Variants in ZNF536 observed in about 807,000 individuals in gnomAD.
ZNF536 encodes zinc finger protein 536.
In ZNF536, 13 loss-of-function variants were observed where a neutral mutation model predicts 84.5. That is an observed-to-expected ratio of 0.15 (90% CI 0.10 to 0.24). ZNF536 has a LOEUF of 0.24. Among genes scored for constraint, ZNF536 ranks in the 10% least tolerant of loss-of-function variants. The pLI is 1.00. For synonymous variants in ZNF536, 811 were observed against 742.5 expected (o/e 1.09, Z -1.50); for missense variants, 1,536 against 1,747.5 (o/e 0.88, Z 2.16).
At chr19:30,416,882 T>A (rs11666325) in intron 1 of ZNF536, among the ~76,000 whole-genome samples, 1 of 151,988 alleles carries the variant, frequency 6.6e-6, no homozygotes, top group African/African-American at 2.4e-5. Flanking sequence ...TGAGTTTTTG[T>A]GGATCAGCTC....
chr19:30,250,907 C>CT (rs960914726), intron 1 of ZNF536, among the ~76,000 whole-genome samples: 30 of 151,154 alleles, frequency 2.0e-4, no homozygotes, highest in Admixed American at 1.4e-3. Context: ...AATAGAATTC[C>CT]TTTTTTTAAA....
In ZNF536 at chr19:30,350,016, ATT is replaced by A. The variant is rs1186989444; in HGVS notation, c.-119-2349_-119-2348del. ...CGAAAGTTGTTTTTTTTTTCTATTC[ATT>A]TTAGTGCAAACCAATGGATACCTAT... On this transcript the variant is annotated intron_variant, in intron 2 of 5. Transcript: ENST00000585628. Among the ~76,000 whole-genome samples, 3 of 150,986 alleles carry A rather than the reference ATT, an allele frequency of 2.0e-5. No homozygotes were observed. The East Asian group carries it at 5.8e-4, about 29-fold the overall frequency.
At chr19:30,339,343 C>A (rs1414166907) in intron 2 of ZNF536, among the ~76,000 whole-genome samples, 1 of 152,164 alleles carries the variant, frequency 6.6e-6, no homozygotes, top group Non-Finnish European at 1.5e-5. Context: ...AAGCCCTGAG[C>A]ACAGTGGGAG....
chr19:30,242,473 G>T (rs60308029), intron 1 of ZNF536, among the ~76,000 whole-genome samples: 9,122 of 152,248 alleles, frequency 0.06, 900 homozygotes, highest in African/African-American at 0.21. Context: ...CATCATGAGT[G>T]TCACAACAGT....
intron 1 of ZNF536, among the ~76,000 whole-genome samples, chr19:30,422,558 G>A (rs1285505135): frequency 1.3e-5 from 2 of 152,118 alleles, no homozygotes; most frequent in Non-Finnish European, 2.9e-5. Flanking sequence ...CTCAGTTTGG[G>A]TATCAGGTCT....
chr19:30,249,732 C>T (rs985280344), intron 1 of ZNF536, among the ~76,000 whole-genome samples: 2 of 152,180 alleles, frequency 1.3e-5, no homozygotes, highest in African/African-American at 4.8e-5. Context: ...CCTGCCTCAT[C>T]GAACCTCTCT....
At chr19:30,483,921 C>T (rs1028300612) in intron 2 of ZNF536, among the ~76,000 whole-genome samples, 3 of 152,034 alleles carry the variant, frequency 2.0e-5, no homozygotes, top group Non-Finnish European at 2.9e-5. Context: ...CCCTGTATTC[C>T]ATCATTCCTC....
intron 1 of ZNF536, among the ~76,000 whole-genome samples, chr19:30,277,725 C>T (rs775515838): frequency 2.6e-5 from 4 of 152,220 alleles, no homozygotes; most frequent in East Asian, 1.9e-4. Flanking sequence ...CTGATGGCAG[C>T]GTGTCCGTTG....
At chr19:30,308,470 T>G (rs2046405752) in intron 2 of ZNF536, among the ~76,000 whole-genome samples, 1 of 152,100 alleles carries the variant, frequency 6.6e-6, no homozygotes, top group Non-Finnish European at 1.5e-5. Flanking sequence ...TTAAAGGACT[T>G]GCAAAGCTGG....
chr19:30,660,870 C>A (rs1243815064), intron 1 of ZNF536, among the ~76,000 whole-genome samples: 1 of 152,194 alleles, frequency 6.6e-6, no homozygotes, highest in African/African-American at 2.4e-5. Flanking sequence ...TATTTATGTG[C>A]ATGTGTGTAC....
chr19:30,285,133 A>G (rs933381780), intron 2 of ZNF536, among the ~76,000 whole-genome samples: 18 of 152,376 alleles, frequency 1.2e-4, no homozygotes, highest in African/African-American at 4.1e-4. Context: ...ATAATAGTGT[A>G]CCATTATATT....
At chr19:30,586,015 A>G (rs145389547) in intron 1 of ZNF536, among the ~76,000 whole-genome samples, 1 of 152,194 alleles carries the variant, frequency 6.6e-6, no homozygotes, top group Admixed American at 6.5e-5. Context: ...GATCCTCTAT[A>G]TACTTCCTCT....
rs182906957 is a variant in ZNF536, at chr19:30,661,380, A to T, written c.170-49377A>T. On this transcript the variant is annotated intron_variant, in intron 1 of 1. Transcript: ENST00000592773. ...AGTCAGCAGATGCAATGCAATGTTC[A>T]AGAACTCTTTGTGGTGTCCTGCAAA... is the stretch of plus-strand genomic sequence containing the variant. Among the ~76,000 whole-genome samples, 19 of 152,334 alleles carry T rather than the reference A, an allele frequency of 1.2e-4. No individual in the cohort carries two copies. The East Asian group carries it at 3.3e-3, about 26-fold the overall frequency.
chr19:30,319,854 A>C (rs930325532), intron 2 of ZNF536, among the ~76,000 whole-genome samples: 5 of 152,218 alleles, frequency 3.3e-5, no homozygotes, highest in Non-Finnish European at 5.9e-5. Context: ...TTAAAAGTAA[A>C]GGTTTTTGTT....
chr19:30,611,463 G>A (rs1391724596), intron 1 of ZNF536, among the ~76,000 whole-genome samples: 2 of 152,102 alleles, frequency 1.3e-5, no homozygotes, highest in African/African-American at 4.8e-5. Context: ...GAAATAAAAG[G>A]TGTTCTTCCT....
chr19:30,528,250 T>C (rs554509462), intron 2 of ZNF536, among the ~76,000 whole-genome samples: 2 of 152,284 alleles, frequency 1.3e-5, no homozygotes, highest in Admixed American at 6.5e-5. Flanking sequence ...AATGGAAGTC[T>C]TTCCAAAATG....
intron 1 of ZNF536, among the ~76,000 whole-genome samples, chr19:30,273,212 T>C (rs2025950980): frequency 1.3e-5 from 1 of 74,406 alleles, no homozygotes; most frequent in Non-Finnish European, 3.2e-5. Context: ...ATGCAGATTG[T>C]GTGTGTGTGT....
chr19:30,242,897 CT>C (rs957401834), intron 1 of ZNF536, among the ~76,000 whole-genome samples: 14 of 151,758 alleles, frequency 9.2e-5, no homozygotes, highest in African/African-American at 3.4e-4. Context: ...GGATACTGAA[CT>C]TTTTTTTTCT....
At chr19:30,636,388 A>G (rs2049065624) in intron 1 of ZNF536, among the ~76,000 whole-genome samples, 1 of 152,156 alleles carries the variant, frequency 6.6e-6, no homozygotes, top group African/African-American at 2.4e-5. Flanking sequence ...CTGAGCAAAG[A>G]TTCCCATCCT....
Sources: allele counts gnomAD v4.1 joint callset (sites outside exome capture counted in the v4.1 genomes callset), GRCh38; gene constraint gnomAD v4.1.1; transcripts MANE v1.5; gene names NCBI Gene and HGNC (gene_info 2026-07-23, HGNC 2026-07-21).